UTP14A: variants seen among roughly 807,000 people sequenced by gnomAD.
The protein encoded by UTP14A is U3 small nucleolar RNA-associated protein 14 homolog A.
Under a neutral mutation model 57.2 loss-of-function variants are expected in UTP14A, and 5 were observed. The observed-to-expected ratio is 0.09, with a 90% CI of 0.05 to 0.18. The LOEUF (loss-of-function observed/expected upper bound fraction) is 0.18. UTP14A is among the 10% of genes least tolerant of loss of function. The pLI is 1.00. For missense variants in UTP14A, 430 were observed against 562.1 expected, an observed-to-expected ratio of 0.76 and a Z score of 2.38; for synonymous variants, 169 against 210.9, an observed-to-expected ratio of 0.80 and a Z score of 1.72.
rs59913059 is a variant in UTP14A, at chrX:129,927,578, C to G, written c.2043+1239C>G. 7.2e-3 allele frequency among the ~76,000 whole-genome samples: 806 copies of G among 112,023 alleles called. 7 individuals carry two copies. The highest frequency in any genetic ancestry group is 0.025 in the African/African-American group (762 of 30,807). On this transcript the variant is annotated intron_variant, in intron 14 of 14. Coordinates refer to ENST00000394422, the MANE Select transcript of UTP14A (RefSeq NM_006649.4). ...CTGGAATGCAGTGGCACGATCCCAGCTCACTGCAACCTCCACCTCCCAAGT... is the reference window on the plus strand; with the variant it reads ...CTGGAATGCAGTGGCACGATCCCAGGTCACTGCAACCTCCACCTCCCAAGT...
intron 14 of UTP14A, among the ~76,000 whole-genome samples, chrX:129,927,738 C>A (rs1422476354): frequency 9.0e-6 from 1 of 111,694 alleles, no homozygotes; most frequent in Non-Finnish European, 1.9e-5. Flanking sequence ...AACTCCTGAC[C>A]TCAAGTGATC....
At chrX:129,909,206 C>CTTTT (rs753147882) in intron 4 of UTP14A, among the ~76,000 whole-genome samples, 13 of 84,431 alleles carry the variant, frequency 1.5e-4, no homozygotes, top group Non-Finnish European at 2.3e-4. Context: ...CCTTTCAAGC[C>CTTTT]TTTTTTTTTT....
At position 129,924,819 on chromosome X, in the gene UTP14A, C is replaced by T; in HGVS notation, c.1373C>T (p.Ser458Phe). Residue 458 changes from serine to phenylalanine, a missense_variant, in exon 12 of 15, where the codon TCT becomes TTT. Transcript: ENST00000394422. ...TKDSGSQEVL[S>F]ELRVLSQKLK... ...GATTCTGGCAGCCAGGAGGTGCTGTCTGAATTGAGAGTACTATCTCAGAAA... is the reference window on the plus strand; with the variant it reads ...GATTCTGGCAGCCAGGAGGTGCTGTTTGAATTGAGAGTACTATCTCAGAAA... 1 of 1,200,690 alleles carries T rather than the reference C, an allele frequency of 8.3e-7. No individual in the cohort carries two copies. Among genetic ancestry groups the T allele is most frequent in the Non-Finnish European group, 1.1e-6 (1 of 892,816 alleles).
At chrX:129,925,691 T>C (rs1295980613) in intron 12 of UTP14A, among the ~76,000 whole-genome samples, 1 of 112,398 alleles carries the variant, frequency 8.9e-6, no homozygotes, top group Admixed American at 9.4e-5. Context: ...GCAGCTTCCT[T>C]ACTGAAAAGT....
At chrX:129,917,552 C>T (rs1037846399) in intron 6 of UTP14A, among the ~76,000 whole-genome samples, 1 of 111,779 alleles carries the variant, frequency 8.9e-6, no homozygotes, top group African/African-American at 3.3e-5. Flanking sequence ...AACTGGTTTA[C>T]AGTTCATTCG....
At chrX:129,918,278 G>A (rs1236042580) in intron 6 of UTP14A, among the ~76,000 whole-genome samples, 2 of 108,595 alleles carry the variant, frequency 1.8e-5, no homozygotes, top group African/African-American at 3.4e-5. Context: ...TCCCAGCTGC[G>A]CAGGAGGCTG....
chrX:129,927,721 GGT>G (rs1930156398), intron 14 of UTP14A, among the ~76,000 whole-genome samples: 1 of 111,348 alleles, frequency 9.0e-6, no homozygotes, highest in Admixed American at 9.5e-5. Context: ...TGGCCAGGCT[GGT>G]CTTGAACTCC....
rs1171701606 is a variant in UTP14A, at chrX:129,919,454, C to T, written c.717C>T (p.Ala239=). 8.3e-7 allele frequency: 1 copy of T among 1,211,682 alleles called. No individual in the cohort carries two copies. The highest frequency in any genetic ancestry group is 3.0e-5 in the East Asian group (1 of 33,842). The change falls in exon 8 of 15, where the codon GCC becomes GCT. Residue 239 remains alanine (A), a synonymous_variant. Transcript: ENST00000394422. ...GGGCTCTGCAGTCCTACTATGAGGC[C>T]AAGGCTCGAAGAGAGAAGAAAATCA... ...RARALQSYYE[A]KARREKKIKS...
chrX:129,920,429 G>A, intron 8 of UTP14A, 28 bp from the exon 9 acceptor site: 1 of 1,211,594 alleles, frequency 8.3e-7, no homozygotes, highest in Non-Finnish European at 1.1e-6. Flanking sequence ...CAGCTAAATT[G>A]CTAAACTCTT....
chrX:129,924,448 G>A (rs1400472919), intron 11 of UTP14A, among the ~76,000 whole-genome samples: 1 of 109,290 alleles, frequency 9.1e-6, no homozygotes, highest in Non-Finnish European at 1.9e-5. Context: ...ACCATGCCCA[G>A]CTAATTTTTT....
At chrX:129,918,475 A>T (rs1603010392) in intron 6 of UTP14A, among the ~76,000 whole-genome samples, 1 of 110,844 alleles carries the variant, frequency 9.0e-6, no homozygotes, top group South Asian at 3.8e-4. Context: ...TGAATTTGAG[A>T]TTCCTAACTA....
chrX:129,919,567 AC>A, intron 8 of UTP14A, 78 bp downstream of exon 8: 2 of 1,062,158 alleles, frequency 1.9e-6, no homozygotes, highest in Non-Finnish European at 2.6e-6. Context: ...TTTGGAGAGA[AC>A]CTTTGATGCA....
chrX:129,907,930 T>C, intron 2 of UTP14A, 130 bp from the exon 3 acceptor site: 1 of 581,322 alleles, frequency 1.7e-6, no homozygotes, highest in Non-Finnish European at 2.8e-6. Flanking sequence ...CACTCCATCC[T>C]GGGCAACAGA....
intron 6 of UTP14A, among the ~76,000 whole-genome samples, chrX:129,918,396 CAAA>C (rs766869516): frequency 1.0e-4 from 5 of 49,483 alleles, no homozygotes; most frequent in African/African-American, 3.4e-4. Flanking sequence ...TCTCAGAAAA[CAAA>C]AAAAAAAAAA....
chrX:129,916,330 C>T (rs750861370), intron 6 of UTP14A, among the ~76,000 whole-genome samples: 1 of 111,125 alleles, frequency 9.0e-6, no homozygotes, highest in Non-Finnish European at 1.9e-5. Context: ...CTGGGTCCCC[C>T]ATATGCACCT....
intron 14 of UTP14A, among the ~76,000 whole-genome samples, chrX:129,927,230 G>A (rs910884063): frequency 1.8e-5 from 2 of 110,603 alleles, no homozygotes; most frequent in African/African-American, 6.6e-5. Flanking sequence ...AATCTCCCCT[G>A]ATTTTCATCT....
chrX:129,907,090 G>A (rs1303046862), intron 1 of UTP14A, among the ~76,000 whole-genome samples: 1 of 108,980 alleles, frequency 9.2e-6, no homozygotes, highest in Non-Finnish European at 1.9e-5. Flanking sequence ...TTTGAAGTCA[G>A]GCATCACTCT....
intron 6 of UTP14A, among the ~76,000 whole-genome samples, chrX:129,915,406 T>A (rs750634954): frequency 1.5e-4 from 16 of 104,737 alleles, no homozygotes; most frequent in Admixed American, 1.4e-3. Flanking sequence ...GCGCCTATAG[T>A]CCCAGCTACT....
intron 11 of UTP14A, 58 bp downstream of exon 11, chrX:129,921,645 GA>G (rs3841681): frequency 0.11 from 110,818 of 1,022,097 alleles, 4,394 homozygotes; most frequent in East Asian, 0.29. Flanking sequence ...GACTATGGGA[GA>G]AAAAAAAAAT....
Sources: gnomAD v4.1 joint callset for allele counts (sites outside exome capture counted in the v4.1 genomes callset) on GRCh38, gnomAD v4.1.1 for gene constraint, MANE v1.5 for transcripts, NCBI Gene and HGNC (gene_info 2026-07-23, HGNC 2026-07-21) for gene names.